Variants in CEP295 observed in about 807,000 individuals in gnomAD.
The protein encoded by CEP295 is centrosomal protein of 295 kDa.
In CEP295, 190 loss-of-function variants were observed where a neutral mutation model predicts 291.6. That is an observed-to-expected ratio of 0.65 (90% CI 0.58 to 0.73). The LOEUF is 0.73. Ranked by LOEUF, CEP295 falls within the 30% of genes least tolerant of loss-of-function variation. The probability of loss-of-function intolerance (pLI) is 0.00; values close to 1 mark genes in which losing one functional copy is unlikely to be tolerated. For missense variants in CEP295, 2,863 were observed against 2,949.4 expected (o/e 0.97, Z 0.68); for synonymous variants, 993 against 1,038.8 (o/e 0.96, Z 0.85).
chr11:93,706,877 G>A lies in CEP295; in HGVS notation c.5729G>A (p.Gly1910Asp). 1.3e-6 allele frequency: 2 copies of A among 1,543,366 alleles called. No homozygotes were observed. Among genetic ancestry groups the A allele is most frequent in the Non-Finnish European group, 1.8e-6 (2 of 1,142,586 alleles). Residue 1910 changes from glycine to aspartate, a missense_variant, in exon 18 of 30, where the codon GGT becomes GAT. This residue lies in a region of CEP295 where 2,295 missense variants were observed against 2,335.7 expected (regional missense o/e 0.98). Transcript: ENST00000325212. ...CTGGTTGGCCAAGAGAATGTCTGTG[G>A]TGATGACTATGATGAAGCAGGTGAG... Reference protein sequence around the residue: ...LQLVGQENVCGDDYDEAVKLK... With the variant: ...LQLVGQENVCDDDYDEAVKLK...
chr11:93,698,607 G>A lies in CEP295; in HGVS notation c.3695G>A (p.Ser1232Asn), dbSNP rs909023626. The change falls in exon 15 of 30, where the codon AGC (serine) becomes AAC (asparagine). Residue 1232 changes from serine (S) to asparagine (N), a missense_variant. This residue lies in a region of CEP295 where 2,295 missense variants were observed against 2,335.7 expected (regional missense o/e 0.98). Transcript: ENST00000325212. ...SIKSDSTIPL[S>N]HPKIPRCQER... ...AAGAGTGACAGTACCATTCCCTTAA[G>A]CCATCCTAAGATCCCAAGATGTCAG... 31 of 1,551,498 alleles carry A rather than the reference G, an allele frequency of 2.0e-5. No homozygotes were observed. The African/African-American group carries it at 3.8e-4, about 19-fold the overall frequency.
intron 22 of CEP295, 29 bp from the exon 23 acceptor site, chr11:93,725,622 T>A: frequency 6.6e-7 from 1 of 1,517,106 alleles, no homozygotes; most frequent in South Asian, 1.3e-5. Flanking sequence ...TAATCAGTAT[T>A]TCAGCCTTTC....
At position 93,667,812 on chromosome 11, in the gene CEP295, G is replaced by A; in HGVS notation, c.309+5G>A. The A allele has an allele frequency of 6.5e-7, 1 of 1,539,448 alleles. No individual in the cohort carries two copies. On this transcript the variant is annotated splice_donor_5th_base_variant and intron_variant, in intron 3 of 29. Transcript: ENST00000325212. Reference sequence around the variant, plus strand: ...CATCGACAGGCCAAAGAAAATGTGAGTGAGATCTTATTTGACTACCCTGTT... The same window carrying A: ...CATCGACAGGCCAAAGAAAATGTGAATGAGATCTTATTTGACTACCCTGTT...
At chr11:93,669,461 G>A (rs891547728) in intron 4 of CEP295, among the ~76,000 whole-genome samples, 1 of 150,212 alleles carries the variant, frequency 6.7e-6, no homozygotes, top group Non-Finnish European at 1.5e-5. Flanking sequence ...TCTTGGGTTG[G>A]TCCCCACCAT....
In CEP295 at chr11:93,697,058, A is replaced by T. The variant is rs765264761; in HGVS notation, c.2146A>T (p.Thr716Ser). The T allele has an allele frequency of 6.4e-7, 1 of 1,551,614 alleles. No individual in the cohort carries two copies. Among genetic ancestry groups the T allele is most frequent in the Middle Eastern group, 1.7e-4 (1 of 5,992 alleles). The change falls in exon 15 of 30, where the codon ACT becomes TCT. Residue 716 changes from threonine to serine, a missense_variant. By Grantham distance (58) the Thr-to-Ser change is moderately conservative (BLOSUM62 1). Coordinates refer to ENST00000325212, the MANE Select transcript of CEP295 (RefSeq NM_033395.2). ...AGAACATCTAAGGCAATTCTCTCAG[A>T]CTGAAACACAACAGAGAGACTATAA... Reference protein sequence around the residue: ...SQEHLRQFSQTETQQRDYKLV... With the variant: ...SQEHLRQFSQSETQQRDYKLV...
chr11:93,709,935 C>CAAGCAAAGCAA (rs1195778345), intron 18 of CEP295, among the ~76,000 whole-genome samples: 1 of 151,964 alleles, frequency 6.6e-6, no homozygotes, highest in African/African-American at 2.4e-5. Flanking sequence ...GATTTCTTTT[C>CAAGCAAAGCAA]AGGTGATTTG....
rs1043092895 is a variant in CEP295 at position 93,723,151 on chromosome 11, C to A, written c.6058C>A (p.Arg2020=). The A allele has an allele frequency of 6.4e-7, 1 of 1,552,014 alleles. No individual in the cohort carries two copies. Among genetic ancestry groups the A allele is most frequent in the East Asian group, 2.4e-5 (1 of 40,922 alleles). The change falls in exon 21 of 30, where the codon CGG becomes AGG. Residue 2020 remains arginine, a synonymous_variant. Coordinates refer to ENST00000325212, the MANE Select transcript of CEP295 (RefSeq NM_033395.2). ...IVPSTQDIYQ[R]QNSSDVHKSL... ...TCCTTCAACACAAGATATTTATCAG[C>A]GGCAGAACTCTTCAGACGTTCATAA...
chr11:93,696,702 A>C lies in CEP295; in HGVS notation c.1790A>C (p.Glu597Ala), dbSNP rs1224807734. The part of the protein sequence containing the change: ...QQNRLHRQSV[E>A]TARKQLLEYQ... The stretch of plus-strand genomic sequence containing the variant: ...GGTAGGTTACACAGGCAGTCTGTTG[A>C]AACAGCCAGGAAACAATTACTTGAA... The change falls in exon 15 of 30, where the codon GAA (glutamate) becomes GCA (alanine). Residue 597 changes from glutamate (E) to alanine (A), a missense_variant. Transcript: ENST00000325212. 3.2e-6 allele frequency: 5 copies of C among 1,548,754 alleles called. No homozygotes were observed. Among genetic ancestry groups the C allele is most frequent in the Non-Finnish European group, 4.4e-6 (5 of 1,145,652 alleles).
intron 11 of CEP295, 52 bp from the exon 12 acceptor site, chr11:93,691,875 T>C: frequency 7.6e-7 from 1 of 1,316,840 alleles, no homozygotes; most frequent in Non-Finnish European, 1.1e-6. Context: ...ATTATAGTGG[T>C]GTCAAAATTC....
chr11:93,668,862 G>A lies in CEP295; in HGVS notation c.364G>A (p.Asp122Asn). The part of the protein sequence containing the change: ...QRAAERKRKA[D>N]LRHKEALKVQ... Reference sequence around the variant, plus strand: ...GGCAGCAGAAAGGAAAAGAAAAGCAGATTTGAGGCATAAAGAAGCCTTGAA... The same window carrying A: ...GGCAGCAGAAAGGAAAAGAAAAGCAAATTTGAGGCATAAAGAAGCCTTGAA... The change falls in exon 4 of 30, where the codon GAT becomes AAT. Residue 122 changes from aspartate (D) to asparagine (N), a missense_variant. By Grantham distance (23) the Asp-to-Asn change is conservative. Around this residue, in one of 3 missense-constraint regions of CEP295, gnomAD observed 554 missense variants for 576.0 expected, o/e 0.96. Transcript: ENST00000325212. 6.6e-7 allele frequency: 1 copy of A among 1,504,024 alleles called. No individual in the cohort carries two copies. Among genetic ancestry groups the A allele is most frequent in the Admixed American group, 2.2e-5 (1 of 46,434 alleles). 93.2% of individuals were successfully genotyped at this position (1,504,024 alleles called of 1,614,324 possible).
rs986561568 is a variant in CEP295, at chr11:93,697,434, C to T, written c.2522C>T (p.Thr841Ile). 2.6e-6 allele frequency: 4 copies of T among 1,552,090 alleles called. No homozygotes were observed. Among genetic ancestry groups the T allele is most frequent in the Non-Finnish European group, 3.5e-6 (4 of 1,147,112 alleles). ...CCTTTGCTGCCGTCAGAGAATATCACAGCCCAGCAAGGTAATATGAAGGCC... is the reference window on the plus strand; with the variant it reads ...CCTTTGCTGCCGTCAGAGAATATCATAGCCCAGCAAGGTAATATGAAGGCC... ...DRPLLPSENI[T>I]AQQGNMKALQ... The change falls in exon 15 of 30, where the codon ACA (threonine) becomes ATA (isoleucine). Residue 841 changes from threonine to isoleucine, a missense_variant. Thr to Ile is a moderately conservative substitution (Grantham distance 89). Around this residue, in one of 3 missense-constraint regions of CEP295, gnomAD observed 2,295 missense variants for 2,335.7 expected, o/e 0.98. Coordinates refer to ENST00000325212, the MANE Select transcript of CEP295 (RefSeq NM_033395.2).
At chr11:93,662,234 T>G (rs1340753219) in intron 1 of CEP295, among the ~76,000 whole-genome samples, 1 of 152,260 alleles carries the variant, frequency 6.6e-6, no homozygotes, top group Non-Finnish European at 1.5e-5. Context: ...CAAACTCAAC[T>G]TTTAAAACAA....
intron 8 of CEP295, 78 bp downstream of exon 8, chr11:93,683,820 G>A (rs1951091254): frequency 1.4e-6 from 2 of 1,456,102 alleles, no homozygotes; most frequent in Admixed American, 2.6e-5. Flanking sequence ...TGATAAAGCA[G>A]TTTTTATCTT....
Position 93,679,427 on chromosome 11 carries a change from G to T in CEP295, c.640G>T (p.Ala214Ser), listed in dbSNP as rs1165153958. The T allele has an allele frequency of 5.2e-6, 8 of 1,549,468 alleles. No homozygotes were observed. Among genetic ancestry groups the T allele is most frequent in the Admixed American group, 2.0e-5 (1 of 50,792 alleles). ...TGACTGCTAGCCAGATGCTCGTTTG[G>T]CTGCTGAAGAGGAAGCTAAACGATT... ...TDTKRPDARL[A>S]AEEEAKRLEE... The change falls in exon 7 of 30, where the codon GCT becomes TCT. Residue 214 changes from alanine to serine, a missense_variant. Coordinates refer to ENST00000325212, the MANE Select transcript of CEP295 (RefSeq NM_033395.2).
At chr11:93,701,975 G>A (rs952526059) in intron 15 of CEP295, among the ~76,000 whole-genome samples, 12 of 150,820 alleles carry the variant, frequency 8.0e-5, no homozygotes, top group South Asian at 4.2e-4. Flanking sequence ...TGTTTGAGAC[G>A]AAATCTTGCT....
intron 3 of CEP295, among the ~76,000 whole-genome samples, chr11:93,668,533 A>G (rs959315722): frequency 3.9e-5 from 6 of 152,112 alleles, no homozygotes; most frequent in South Asian, 2.1e-4. Flanking sequence ...ATCACTATAT[A>G]TTTTACGTAC....
At chr11:93,727,869 C>T in intron 24 of CEP295, 1 of 416,940 alleles carries the variant, frequency 2.4e-6, no homozygotes. Context: ...ATATTGCTAT[C>T]CAGCTTGTGA....
rs369506006 is a variant in CEP295, at chr11:93,727,441, G to A, written c.6965G>A (p.Arg2322Gln). Residue 2322 changes from arginine to glutamine, a missense_variant, in exon 24 of 30, where the codon CGA becomes CAA. This residue lies in a region of CEP295 where 2,295 missense variants were observed against 2,335.7 expected (regional missense o/e 0.98). Coordinates refer to ENST00000325212, the MANE Select transcript of CEP295 (RefSeq NM_033395.2). ...CCACAGGTAGAGGAAACTGACTCTC[G>A]ATTATGTGTAAGAACAGTGGAGATG... Reference protein sequence around the residue: ...INPQVEETDSRLCVRTVEMGT... With the variant: ...INPQVEETDSQLCVRTVEMGT... The A allele has an allele frequency of 1.9e-5, 30 of 1,551,856 alleles. No individual in the cohort carries two copies. The highest frequency in any genetic ancestry group is 4.9e-5 in the East Asian group (2 of 40,874).
At chr11:93,725,539 T>C in intron 22 of CEP295, 112 bp from the exon 23 acceptor site, 1 of 853,462 alleles carries the variant, frequency 1.2e-6, no homozygotes, top group Non-Finnish European at 1.7e-6. Context: ...ATCATTGCTG[T>C]CATAGTGAAG....
Sources: gnomAD v4.1 joint callset for allele counts (sites outside exome capture counted in the v4.1 genomes callset) on GRCh38, gnomAD v4.1.1 for gene constraint, gnomAD v4.1.1 regional missense constraint, MANE v1.5 for transcripts, NCBI Gene and HGNC (gene_info 2026-07-23, HGNC 2026-07-21) for gene names.